BIRC6: variants seen among roughly 807,000 people sequenced by gnomAD.
BIRC6 encodes the protein dual E2 ubiquitin-conjugating enzyme/E3 ubiquitin-protein ligase BIRC6.
BIRC6 carries 98 observed loss-of-function variants against 503.3 expected under a neutral mutation model. The ratio of observed to expected loss-of-function variants is 0.19; its 90% CI spans 0.17 to 0.23. The LOEUF is 0.23. Ranked by LOEUF, BIRC6 falls within the 10% of genes least tolerant of loss-of-function variation. The pLI is 1.00. For synonymous variants in BIRC6, 2,240 were observed against 2,078.7 expected, an observed-to-expected ratio of 1.08 and a Z score of -2.11; for missense variants, 5,360 against 5,806.0, an observed-to-expected ratio of 0.92 and a Z score of 2.50.
chr2:32,518,466 G>A, intron 56 of BIRC6, 69 bp downstream of exon 56: 1 of 1,476,342 alleles, frequency 6.8e-7, no homozygotes, highest in South Asian at 1.2e-5. Flanking sequence ...AGAGCCTGCA[G>A]TTACCTCCTA....
intron 39 of BIRC6, among the ~76,000 whole-genome samples, chr2:32,483,427 TTTTTG>T (rs2050641732): frequency 6.6e-6 from 1 of 152,216 alleles, no homozygotes; most frequent in Non-Finnish European, 1.5e-5. Context: ...TTTGATGTCA[TTTTTG>T]TTTTGTTTTG....
In BIRC6 at chr2:32,598,068, T is replaced by C. The variant is rs963592033; in HGVS notation, c.13830+100T>C. The C allele has an allele frequency of 1.8e-5, 20 of 1,119,886 alleles. No homozygotes were observed. In the African/African-American group the frequency reaches 2.4e-4, roughly 13 times the overall value. 69.4% of individuals were successfully genotyped at this position (1,119,886 alleles called of 1,614,324 possible). ...CTGGAAATACTATACAAATAAATTA[T>C]ACAAAACACTAGAAATTTTGGTGAC... On this transcript the variant is annotated intron_variant, in intron 69 of 73. Transcript: ENST00000421745.
intron 66 of BIRC6, among the ~76,000 whole-genome samples, chr2:32,581,125 C>T (rs1186359404): frequency 6.6e-6 from 1 of 152,126 alleles, no homozygotes; most frequent in Non-Finnish European, 1.5e-5. Flanking sequence ...GTCGTTAAGT[C>T]AAAAAGCATC....
chr2:32,418,441 A>G (rs2042605643), intron 10 of BIRC6, among the ~76,000 whole-genome samples: 1 of 152,242 alleles, frequency 6.6e-6, no homozygotes, highest in South Asian at 2.1e-4. Context: ...CAGAGCCAGC[A>G]TTCAAACCTG....
intron 34 of BIRC6, among the ~76,000 whole-genome samples, chr2:32,476,842 T>C (rs956610495): frequency 2.0e-5 from 3 of 152,172 alleles, no homozygotes; most frequent in African/African-American, 7.2e-5. Context: ...CTTTTGTAAG[T>C]GAAAGTGAAG....
At position 32,508,116 on chromosome 2, in the gene BIRC6, C is replaced by T. The variant is rs532952473; in HGVS notation, c.9837C>T (p.Cys3279=). The change falls in exon 51 of 74, where the codon TGC becomes TGT. Residue 3279 remains cysteine (C), a synonymous_variant. Transcript: ENST00000421745. ...LVKAEVASAV[C]LRLHRPRDAS... is the part of the protein sequence containing the mutation. ...AAGCCGAAGTAGCTTCTGCTGTCTG[C>T]CTTAGACTACATCGTCCACGGGATG... 5 of 1,613,810 alleles carry T rather than the reference C, an allele frequency of 3.1e-6. No homozygotes were observed. The African/African-American group carries it at 4.0e-5, about 13-fold the overall frequency.
In BIRC6 at chr2:32,357,592, C is replaced by T; in HGVS notation, c.325+106C>T. 1.4e-6 allele frequency: 2 copies of T among 1,475,260 alleles called. No homozygotes were observed. The highest frequency in any genetic ancestry group is 2.6e-5 in the South Asian group (2 of 76,206). 91.4% of individuals were successfully genotyped at this position (1,475,260 alleles called of 1,614,324 possible). ...GAAGCGAGATGGCGAGAGGGCAGGG[C>T]TGGGGGTTCGGGCCCAGCCGTGAAG... On this transcript the variant is annotated intron_variant, in intron 1 of 73. Coordinates refer to ENST00000421745, the MANE Select transcript of BIRC6 (RefSeq NM_016252.4). This position sits in a 1 kb window ranked among gnomAD's most constrained non-coding sequence, Gnocchi z 4.9.
chr2:32,388,734 T>A lies in BIRC6; in HGVS notation c.646-16T>A. The A allele has an allele frequency of 6.4e-7, 1 of 1,557,284 alleles. No individual in the cohort carries two copies. Among genetic ancestry groups the A allele is most frequent in the Non-Finnish European group, 8.7e-7 (1 of 1,150,658 alleles). ...TGAGTACATTTTCCTTTGCTTATAC[T>A]CCCATTTTCTTTCAGTGGGCCACAG... On this transcript the variant is annotated splice_polypyrimidine_tract_variant and intron_variant, in intron 3 of 73. Transcript: ENST00000421745.
At chr2:32,475,890 C>T (rs957475421) in intron 33 of BIRC6, among the ~76,000 whole-genome samples, 1 of 151,850 alleles carries the variant, frequency 6.6e-6, no homozygotes, top group Non-Finnish European at 1.5e-5. Flanking sequence ...AAATATTTTT[C>T]TCATTTATTT....
Position 32,440,673 on chromosome 2 carries a change from A to G in BIRC6, c.3811-656A>G, listed in dbSNP as rs1415765957. Among the ~76,000 whole-genome samples, 3 of 152,094 alleles carry G rather than the reference A, an allele frequency of 2.0e-5. No individual in the cohort carries two copies. In the East Asian group the frequency reaches 5.8e-4, roughly 29 times the overall value. ...GTTCTGTTACCTCCCTTTTTTAAAT[A>G]CTGAAAGTGAGTGAACCTTAGCGAT... On this transcript the variant is annotated intron_variant, in intron 16 of 73. Transcript: ENST00000421745.
rs1426921853 is a variant in BIRC6, at chr2:32,578,992, ACT to A, written c.13355+3627_13355+3628del. ...TTTTATATACCTAATATATATATAC[ACT>A]TAATATATATATATACCTAATATAT... On this transcript the variant is annotated intron_variant, in intron 66 of 73. Coordinates refer to ENST00000421745, the MANE Select transcript of BIRC6 (RefSeq NM_016252.4). 6.3e-3 allele frequency among the ~76,000 whole-genome samples: 352 copies of A among 56,148 alleles called. 7 individuals carry two copies. Among genetic ancestry groups the A allele is most frequent in the African/African-American group, 0.021 (220 of 10,452 alleles). The allele number at this position is 56,148 out of a possible 152,430, so 36.8% of individuals were successfully genotyped here.
chr2:32,517,391 C>T (rs921065542), intron 55 of BIRC6, among the ~76,000 whole-genome samples: 10 of 152,106 alleles, frequency 6.6e-5, no homozygotes, highest in Non-Finnish European at 1.3e-4. Flanking sequence ...ATTTAACTGC[C>T]TGTAGTAATT....
intron 67 of BIRC6, chr2:32,594,280 G>T: frequency 2.5e-6 from 1 of 404,464 alleles, no homozygotes; most frequent in Non-Finnish European, 4.4e-6. Flanking sequence ...GCTAAATTTA[G>T]TAGGCTGAGA....
chr2:32,590,830 C>T, intron 66 of BIRC6: 3 of 985,850 alleles, frequency 3.0e-6, no homozygotes, highest in Non-Finnish European at 2.4e-6. Flanking sequence ...CCAGATTCAA[C>T]GTATGCACAA....
intron 68 of BIRC6, 143 bp from the exon 69 acceptor site, chr2:32,597,608 T>C (rs976055864): frequency 3.6e-5 from 23 of 642,286 alleles, no homozygotes; most frequent in Middle Eastern, 8.2e-4. Flanking sequence ...ATAGGTGTTA[T>C]GTAAACATTT....
intron 24 of BIRC6, among the ~76,000 whole-genome samples, chr2:32,464,080 G>A (rs979855848): frequency 1.3e-5 from 2 of 152,130 alleles, no homozygotes; most frequent in Admixed American, 6.5e-5. Context: ...CCCCGCATCC[G>A]TGGCAAAAGT....
chr2:32,576,920 A>G (rs1455626924), intron 66 of BIRC6, among the ~76,000 whole-genome samples: 1 of 152,194 alleles, frequency 6.6e-6, no homozygotes, highest in East Asian at 1.9e-4. Flanking sequence ...CAACTCTGTT[A>G]CTAGTAATGG....
intron 10 of BIRC6, among the ~76,000 whole-genome samples, chr2:32,418,895 C>T (rs1312689481): frequency 1.3e-5 from 2 of 152,202 alleles, no homozygotes; most frequent in Non-Finnish European, 2.9e-5. Context: ...TTGCAGTGAG[C>T]TGAGATCGCG....
At chr2:32,454,414 T>C (rs1229740168) in intron 23 of BIRC6, among the ~76,000 whole-genome samples, 2 of 152,210 alleles carry the variant, frequency 1.3e-5, no homozygotes, top group Non-Finnish European at 1.5e-5. Context: ...ATACCTTCAC[T>C]TAAAAATTAA....
Sources: allele counts gnomAD v4.1 joint callset (sites outside exome capture counted in the v4.1 genomes callset), GRCh38; gene constraint gnomAD v4.1.1; non-coding constraint Gnocchi (gnomAD v3.1); transcripts MANE v1.5; gene names NCBI Gene and HGNC (gene_info 2026-07-23, HGNC 2026-07-21).